The following TRPM5 variants were observed in gnomAD, a reference collection of about 807,000 sequenced individuals.
The protein encoded by TRPM5 is transient receptor potential cation channel subfamily M member 5.
In TRPM5, 121 loss-of-function variants were observed where a neutral mutation model predicts 124.9. The observed-to-expected ratio is 0.97, with a 90% CI of 0.84 to 1.13. The LOEUF (loss-of-function observed/expected upper bound fraction) is 1.13. Among genes scored for constraint, TRPM5 ranks in the 50% most tolerant of loss-of-function variants. The probability of loss-of-function intolerance (pLI) is 0.00; values close to 1 mark genes in which losing one functional copy is unlikely to be tolerated. For synonymous variants in TRPM5, 781 were observed against 700.5 expected, an observed-to-expected ratio of 1.11 and a Z score of -1.81; for missense variants, 1,643 against 1,589.1, an observed-to-expected ratio of 1.03 and a Z score of -0.58.
At chr11:2,414,009 G>GGGGCGGCGCCCCCCCCCCC in intron 12 of TRPM5, 52 bp downstream of exon 17, 1 of 1,023,734 alleles carries the variant, frequency 9.8e-7, no homozygotes, top group Non-Finnish European at 1.4e-6. Context: ...GGCCCAGCTC[G>GGGGCGGCGCCCCCCCCCCC]CCCGCCCACC....
exon 14 of TRPM5, chr11:2,413,191 A>G (rs1784073613): frequency 1.3e-6 from 2 of 1,551,360 alleles, no homozygotes; most frequent in Admixed American, 2.0e-5. Flanking sequence ...CAGGTCCTGC[A>G]GGTCCTCCAG....
At chr11:2,414,022 A>ACCCCCCCC in intron 12 of TRPM5, 39 bp downstream of exon 17, 1 of 284,714 alleles carries the variant, frequency 3.5e-6, no homozygotes, top group Non-Finnish European at 6.7e-6. Flanking sequence ...CGCCCACCCC[A>ACCCCCCCC]CCCCCTGGCA....
At chr11:2,410,694 G>T (rs1488455238) in intron 18 of TRPM5, 2 of 455,678 alleles carry the variant, frequency 4.4e-6, no homozygotes, top group Admixed American at 4.7e-5. Context: ...TTATGAAAAA[G>T]TTTCCAGAGC....
At chr11:2,414,657 A>G in intron 11 of TRPM5, 58 bp downstream of exon 16, 1 of 1,475,362 alleles carries the variant, frequency 6.8e-7, no homozygotes. Context: ...CCTTCGTCCG[A>G]CCCCTCCGTC....
At chr11:2,420,190 A>G in intron 4 of TRPM5, 32 bp downstream of exon 9, 1 of 1,557,648 alleles carries the variant, frequency 6.4e-7, no homozygotes, top group Non-Finnish European at 8.6e-7. Context: ...CTGGGTCCCA[A>G]GGCTTCCCTG....
At chr11:2,410,342 C>G (rs371308595) in intron 18 of TRPM5, among the ~76,000 whole-genome samples, 1 of 152,204 alleles carries the variant, frequency 6.6e-6, no homozygotes, top group Non-Finnish European at 1.5e-5. Flanking sequence ...GAGCGCCACT[C>G]CACAGAGGTC....
intron 18 of TRPM5, 139 bp from the exon 24 acceptor site, chr11:2,408,051 G>T (rs542947375): frequency 2.6e-6 from 3 of 1,150,820 alleles, no homozygotes; most frequent in Non-Finnish European, 3.6e-6. Context: ...CACTGTCCCA[G>T]TTCACCCAGG....
At chr11:2,432,803 C>A in the TRPM5 span, among the ~76,000 whole-genome samples, 1 of 152,280 alleles carries the variant, frequency 6.6e-6, no homozygotes, top group Non-Finnish European at 1.5e-5. Flanking sequence ...GAACCACACA[C>A]AGTCTAGCCC....
chr11:2,414,875 GC>G, intron 10 of TRPM5, 31 bp downstream of exon 15: 1 of 1,592,944 alleles, frequency 6.3e-7, no homozygotes. Flanking sequence ...CCCCTCCCCT[GC>G]CCCCGCGCTG....
chr11:2,412,672 C>T (rs1010426374), intron 15 of TRPM5, 82 bp downstream of exon 20: 149 of 1,414,382 alleles, frequency 1.1e-4, no homozygotes, highest in Middle Eastern at 2.4e-4. Context: ...GGGAGCCCCA[C>T]CCTGCGAGGG....
the TRPM5 span, among the ~76,000 whole-genome samples, chr11:2,432,658 A>G: frequency 5.9e-5 from 9 of 152,144 alleles, no homozygotes; most frequent in African/African-American, 1.4e-4. Context: ...GCCATGTGGC[A>G]TTTTATTTAC....
chr11:2,419,539 C>T (rs1845735783), intron 4 of TRPM5, among the ~76,000 whole-genome samples: 1 of 150,696 alleles, frequency 6.6e-6, no homozygotes, highest in Non-Finnish European at 1.5e-5. Context: ...TTGTTGGAAC[C>T]TGGGAGGTGG....
upstream of TRPM5, among the ~76,000 whole-genome samples, chr11:2,426,383 T>G (rs1479981755): frequency 6.6e-6 from 1 of 152,050 alleles, no homozygotes; most frequent in African/African-American, 2.4e-5. Flanking sequence ...AGGGAGGTGA[T>G]GCAAACAGCT....
At chr11:2,424,270 T>C (rs978001890), upstream of TRPM5, among the ~76,000 whole-genome samples, 1 of 152,194 alleles carries the variant, frequency 6.6e-6, no homozygotes, top group African/African-American at 2.4e-5. Flanking sequence ...CAGGAGGGGA[T>C]ACAGGAGTTG....
intron 3 of TRPM5, 25 bp from the exon 9 acceptor site, chr11:2,420,430 C>T: frequency 5.7e-6 from 9 of 1,579,368 alleles, no homozygotes; most frequent in Non-Finnish European, 7.8e-6. Context: ...GGAGACGAGG[C>T]TGAGCCCTCG....
chr11:2,413,069 A>G, intron 14 of TRPM5, 57 bp from the exon 20 acceptor site: 1 of 1,547,714 alleles, frequency 6.5e-7, no homozygotes, highest in Non-Finnish European at 8.7e-7. Flanking sequence ...GTGCCCCACC[A>G]GAGTCCAGCC....
the TRPM5 span, among the ~76,000 whole-genome samples, chr11:2,434,396 A>AGT: frequency 4.0e-5 from 5 of 124,062 alleles, no homozygotes; most frequent in African/African-American, 9.5e-5. Context: ...TGTTTGTGAG[A>AGT]GTGTGTGTGT....
At chr11:2,406,479 C>T (rs575338867) in intron 21 of TRPM5, among the ~76,000 whole-genome samples, 182 bp downstream of exon 26, 39 of 152,186 alleles carry the variant, frequency 2.6e-4, no homozygotes, top group Non-Finnish European at 5.0e-4. Flanking sequence ...CCTGGCCAGG[C>T]GTCCCAGCAG....
chr11:2,414,806 G>A (rs1738937090), exon 11 of TRPM5: 9 of 1,582,736 alleles, frequency 5.7e-6, no homozygotes, highest in Non-Finnish European at 7.7e-6. Flanking sequence ...GGATTTTGCA[G>A]GCGGCCAGTG....
Sources: allele counts gnomAD v4.1 joint callset (sites outside exome capture counted in the v4.1 genomes callset), GRCh38; gene constraint gnomAD v4.1.1; transcripts MANE v1.5; gene names NCBI Gene and HGNC (gene_info 2026-07-23, HGNC 2026-07-21).